PCDH9: variants seen among roughly 807,000 people sequenced by gnomAD.
PCDH9 encodes the protein protocadherin 9, also known as protocadherin-9.
In PCDH9, 24 loss-of-function variants were observed where a neutral mutation model predicts 70.6. That is an observed-to-expected ratio of 0.34 (90% CI 0.25 to 0.48). The LOEUF is 0.48. Among genes scored for constraint, PCDH9 ranks in the 20% least tolerant of loss-of-function variants. The probability of loss-of-function intolerance (pLI) is 0.99; values close to 1 mark genes in which losing one functional copy is unlikely to be tolerated. For synonymous variants in PCDH9, 562 were observed against 558.5 expected, an observed-to-expected ratio of 1.01 and a Z score of -0.09; for missense variants, 1,281 against 1,503.6, an observed-to-expected ratio of 0.85 and a Z score of 2.45.
intron 4 of PCDH9, among the ~76,000 whole-genome samples, chr13:66,319,381 C>T (rs1050808741): frequency 6.6e-5 from 10 of 151,954 alleles, no homozygotes; most frequent in East Asian, 5.8e-4. Flanking sequence ...GTTCTTGAAG[C>T]GCAATGGCAG....
chr13:67,120,900 T>C (rs2086864005), intron 2 of PCDH9, among the ~76,000 whole-genome samples: 1 of 151,880 alleles, frequency 6.6e-6, no homozygotes, highest in South Asian at 2.1e-4. Flanking sequence ...TATCTTGCTT[T>C]GAGGAAGTCA....
intron 2 of PCDH9, chr13:67,207,795 T>C (rs1329261741): frequency 6.6e-6 from 1 of 152,220 alleles, no homozygotes; most frequent in Non-Finnish European, 1.5e-5. Flanking sequence ...ATGCGATCAA[T>C]AATTAGTTTC....
intron 3 of PCDH9, among the ~76,000 whole-genome samples, chr13:66,882,276 T>C (rs1370015020): frequency 6.6e-6 from 1 of 152,224 alleles, no homozygotes; most frequent in African/African-American, 2.4e-5. Context: ...GTGCCTTTTA[T>C]GTCCTTAATG....
chr13:67,027,719 C>T (rs888458166), intron 2 of PCDH9, among the ~76,000 whole-genome samples: 2 of 150,454 alleles, frequency 1.3e-5, no homozygotes, highest in African/African-American at 4.9e-5. Context: ...AACAAATTTA[C>T]AAGAAAAAAA....
At chr13:66,460,201 A>G (rs1958397049) in intron 4 of PCDH9, among the ~76,000 whole-genome samples, 1 of 151,962 alleles carries the variant, frequency 6.6e-6, no homozygotes, top group Admixed American at 6.6e-5. Flanking sequence ...AAACAATGGC[A>G]CTATCAAGTA....
At chr13:66,807,486 A>G (rs2080429194) in intron 3 of PCDH9, among the ~76,000 whole-genome samples, 1 of 152,168 alleles carries the variant, frequency 6.6e-6, no homozygotes, top group African/African-American at 2.4e-5. Flanking sequence ...AAAAGTTTCT[A>G]GCCCATTTTT....
Position 66,316,828 on chromosome 13 carries a change from T to G in PCDH9, c.3341-11800A>C, listed in dbSNP as rs560137088. On this transcript the variant is annotated intron_variant, in intron 4 of 4. Coordinates refer to ENST00000377865, the MANE Select transcript of PCDH9 (RefSeq NM_203487.3). Reference sequence around the variant, plus strand: ...ACCTCCACCTCCTGGGTTCAAGCAATTCTCCTGCCTCAGCCTCCCAAGTAG... The same window carrying G: ...ACCTCCACCTCCTGGGTTCAAGCAAGTCTCCTGCCTCAGCCTCCCAAGTAG... Among the ~76,000 whole-genome samples, 27 of 152,264 alleles carry G rather than the reference T, an allele frequency of 1.8e-4. No homozygotes were observed. The South Asian group carries it at 5.2e-3, about 29-fold the overall frequency.
At chr13:66,633,588 T>G (rs2077599704) in intron 3 of PCDH9, among the ~76,000 whole-genome samples, 1 of 152,134 alleles carries the variant, frequency 6.6e-6, no homozygotes, top group Non-Finnish European at 1.5e-5. Flanking sequence ...CAGTGACTGA[T>G]CTACTGAAAA....
At chr13:66,877,267 A>G (rs1371722418) in intron 3 of PCDH9, among the ~76,000 whole-genome samples, 1 of 151,778 alleles carries the variant, frequency 6.6e-6, no homozygotes, top group South Asian at 2.1e-4. Context: ...ATTATGAAAT[A>G]TATATGTTAT....
intron 2 of PCDH9, among the ~76,000 whole-genome samples, chr13:66,962,358 G>A (rs2083362453): frequency 6.6e-6 from 1 of 152,086 alleles, no homozygotes; most frequent in Non-Finnish European, 1.5e-5. Context: ...AGCTTCTCAA[G>A]TACTTCCCAA....
Position 66,624,407 on chromosome 13 carries a change from C to A in PCDH9, c.3340+6803G>T, listed in dbSNP as rs138866509. On this transcript the variant is annotated intron_variant, in intron 4 of 4. Coordinates refer to ENST00000377865, the MANE Select transcript of PCDH9 (RefSeq NM_203487.3). ...CAGTAAAAGGTAACAAAATTCAGTG[C>A]GATAAATACTGCACATTGTGTGCTT... Among the ~76,000 whole-genome samples, 5 of 152,298 alleles carry A rather than the reference C, an allele frequency of 3.3e-5. No individual in the cohort carries two copies. The South Asian group carries it at 6.2e-4, about 19-fold the overall frequency.
At chr13:67,174,519 C>T (rs1343591123) in intron 2 of PCDH9, among the ~76,000 whole-genome samples, 1 of 152,100 alleles carries the variant, frequency 6.6e-6, no homozygotes, top group African/African-American at 2.4e-5. Context: ...CTGCATTCGT[C>T]AGGTGAGCAC....
At chr13:66,750,932 T>C (rs1453240861) in intron 3 of PCDH9, among the ~76,000 whole-genome samples, 2 of 152,160 alleles carry the variant, frequency 1.3e-5, no homozygotes, top group Non-Finnish European at 1.5e-5. Context: ...TTTGTAAGAC[T>C]TAGTGAGTAC....
chr13:66,796,826 G>A (rs2080249451), intron 3 of PCDH9, among the ~76,000 whole-genome samples: 1 of 152,104 alleles, frequency 6.6e-6, no homozygotes, highest in South Asian at 2.1e-4. Flanking sequence ...TGTATTAACG[G>A]TTGAAGAAGA....
chr13:66,928,756 GC>G (rs2082756662), intron 2 of PCDH9, among the ~76,000 whole-genome samples: 1 of 152,030 alleles, frequency 6.6e-6, no homozygotes, highest in Admixed American at 6.6e-5. Context: ...GAACCTCCAA[GC>G]CTCCACAACT....
chr13:66,522,892 G>A (rs1960060495), intron 4 of PCDH9, among the ~76,000 whole-genome samples: 2 of 152,000 alleles, frequency 1.3e-5, no homozygotes, highest in Non-Finnish European at 1.5e-5. Context: ...ACGTCACCCA[G>A]CTTATGGTAA....
intron 2 of PCDH9, among the ~76,000 whole-genome samples, chr13:67,082,100 T>C (rs1219663556): frequency 6.6e-6 from 1 of 152,182 alleles, no homozygotes; most frequent in Admixed American, 6.6e-5. Flanking sequence ...ATTATTTGCA[T>C]GTGATAAGAA....
intron 4 of PCDH9, among the ~76,000 whole-genome samples, chr13:66,457,031 C>T (rs1262040472): frequency 6.6e-6 from 1 of 151,940 alleles, no homozygotes; most frequent in Non-Finnish European, 1.5e-5. Flanking sequence ...TGTCTTCATG[C>T]TTTTTATTTC....
At chr13:66,941,758 A>G (rs1371329039) in intron 2 of PCDH9, among the ~76,000 whole-genome samples, 2 of 151,960 alleles carry the variant, frequency 1.3e-5, no homozygotes, top group African/African-American at 2.4e-5. Flanking sequence ...AAAAACTAAT[A>G]GACCTGCAAA....
Sources: gnomAD v4.1 joint callset for allele counts (sites outside exome capture counted in the v4.1 genomes callset) on GRCh38, gnomAD v4.1.1 for gene constraint, MANE v1.5 for transcripts, NCBI Gene and HGNC (gene_info 2026-07-23, HGNC 2026-07-21) for gene names.